The following SETD1B variants were observed in gnomAD, a reference collection of about 807,000 sequenced individuals.
SETD1B encodes the protein histone-lysine N-methyltransferase SETD1B.
SETD1B carries 7 observed loss-of-function variants against 148.0 expected under a neutral mutation model. The ratio of observed to expected loss-of-function variants is 0.05; its 90% CI spans 0.03 to 0.09. The LOEUF (loss-of-function observed/expected upper bound fraction) is 0.09, where lower values mean the gene tolerates loss of function less well. SETD1B is among the 10% of genes least tolerant of loss of function. The pLI, the probability that SETD1B is intolerant of heterozygous loss-of-function variation, is 1.00. For synonymous variants in SETD1B, 1,361 were observed against 1,186.5 expected (o/e 1.15, Z -3.02); for missense variants, 2,155 against 2,729.9 (o/e 0.79, Z 4.69).
chr12:121,813,083 C>T (rs1403104824), intron 6 of SETD1B, among the ~76,000 whole-genome samples: 1 of 152,104 alleles, frequency 6.6e-6, no homozygotes, highest in Non-Finnish European at 1.5e-5. Flanking sequence ...GCTGCAGCCC[C>T]GCACTGGGCA....
At chr12:121,796,633 G>A in the SETD1B span, among the ~76,000 whole-genome samples, 2 of 152,250 alleles carry the variant, frequency 1.3e-5, no homozygotes, top group African/African-American at 2.4e-5. Context: ...TACCCTGCCT[G>A]AGCAGTCCCC....
Position 121,825,925 on chromosome 12 carries a change from C to T in SETD1B, c.5337+559C>T, listed in dbSNP as rs560050816. Reference sequence around the variant, plus strand: ...TCTCCCAAACTGCTGGGATTATAAGCATAAGCCACATCGCATGGCCTCATT... The same window carrying T: ...TCTCCCAAACTGCTGGGATTATAAGTATAAGCCACATCGCATGGCCTCATT... On this transcript the variant is annotated intron_variant, in intron 13 of 16. Transcript: ENST00000604567. 3.9e-5 allele frequency among the ~76,000 whole-genome samples: 6 copies of T among 152,254 alleles called. 1 individual carries two copies. The highest frequency in any genetic ancestry group is 2.1e-4 in the South Asian group (1 of 4,826).
chr12:121,817,248 C>A lies in SETD1B; in HGVS notation c.2931C>A (p.Asp977Glu), dbSNP rs1876334321. 1 of 1,551,084 alleles carries A rather than the reference C, an allele frequency of 6.4e-7. No individual in the cohort carries two copies. Among genetic ancestry groups the A allele is most frequent in the Non-Finnish European group, 8.7e-7 (1 of 1,146,944 alleles). The change falls in exon 8 of 17, where the codon GAC (aspartate) becomes GAA (glutamate). Residue 977 changes from aspartate (D) to glutamate (E), a missense_variant. Physicochemically the swap from Asp to Glu is conservative, Grantham distance 45. Around this residue, in one of 11 missense-constraint regions of SETD1B, gnomAD observed 289 missense variants for 423.7 expected, o/e 0.68. Transcript: ENST00000604567. This position sits in a 1 kb window ranked among gnomAD's most constrained non-coding sequence, Gnocchi z 8.1. ...KEPPDTTSSG[D>E]QKRLRPSTSV... ...CACCAGACACCACCTCATCTGGCGA[C>A]CAGAAGCGGCTGCGGCCCTCGACCT...
At position 121,823,335 on chromosome 12, in the gene SETD1B, C is replaced by G; in HGVS notation, c.4756C>G (p.Leu1586Val). 7.0e-7 allele frequency: 1 copy of G among 1,423,476 alleles called. No homozygotes were observed. Among genetic ancestry groups the G allele is most frequent in the Admixed American group, 2.0e-5 (1 of 49,518 alleles). 88.2% of individuals were successfully genotyped at this position (1,423,476 alleles called of 1,614,324 possible). ...GGGGATCCCAGCCCCTCCACCACCC[C>G]TTCCCCCCCAGCCACCCCCACCCCC... ...NAGIPAPPPP[L>V]PPQPPPPPPP... The change falls in exon 12 of 17, where the codon CTT becomes GTT. Residue 1586 changes from leucine (L) to valine (V), a missense_variant. By Grantham distance (32) the Leu-to-Val change is conservative. Around this residue, in one of 11 missense-constraint regions of SETD1B, gnomAD observed 862 missense variants for 873.8 expected, o/e 0.99. Coordinates refer to ENST00000604567, the MANE Select transcript of SETD1B (RefSeq NM_001353345.2).
intron 16 of SETD1B, 109 bp downstream of exon 16, chr12:121,828,179 C>A: frequency 1.4e-6 from 2 of 1,432,644 alleles, no homozygotes; most frequent in South Asian, 1.3e-5. Context: ...GGCCTCCTTC[C>A]CAAGCTCAGG....
rs1413507113 is a variant in SETD1B at position 121,819,546 on chromosome 12, G to A, written c.3561G>A (p.Glu1187=). The change falls in exon 11 of 17, where the codon GAG becomes GAA. Residue 1187 remains glutamate (E), a synonymous_variant. Coordinates refer to ENST00000604567, the MANE Select transcript of SETD1B (RefSeq NM_001353345.2). ...DEEEVVAREE[E]EEEEEEEMVA... is the part of the protein sequence containing the mutation. ...AGGAGGTAGTGGCCAGGGAAGAGGA[G>A]GAAGAAGAGGAGGAGGAGGAGATGG... 1.9e-6 allele frequency: 3 copies of A among 1,551,590 alleles called. No individual in the cohort carries two copies. The highest frequency in any genetic ancestry group is 2.6e-6 in the Non-Finnish European group (3 of 1,146,342).
In SETD1B at chr12:121,832,624, G is replaced by A. The variant is rs1877145292; in HGVS notation, c.*2385G>A. 3.7e-6 allele frequency: 1 copy of A among 268,540 alleles called. No homozygotes were observed. The highest frequency in any genetic ancestry group is 3.3e-5 in the South Asian group (1 of 30,564). The allele number at this position is 268,540 out of a possible 1,614,324, so 16.6% of individuals were successfully genotyped here. Reference sequence around the variant, plus strand: ...ATTGTATTATAGTAACTTTTATAAAGCAAACCATAAATATACTGACTTTTC... The same window carrying A: ...ATTGTATTATAGTAACTTTTATAAAACAAACCATAAATATACTGACTTTTC... On this transcript the variant is annotated 3_prime_UTR_variant, in exon 17 of 17. Transcript: ENST00000604567.
chr12:121,826,582 G>T (rs1161082542), intron 13 of SETD1B, among the ~76,000 whole-genome samples: 1 of 152,126 alleles, frequency 6.6e-6, no homozygotes, highest in African/African-American at 2.4e-5. Context: ...AGGGTCGGGG[G>T]TACTGTGGTG....
At chr12:121,806,451 C>CA (rs1358706929) in intron 4 of SETD1B, among the ~76,000 whole-genome samples, 1 of 152,068 alleles carries the variant, frequency 6.6e-6, no homozygotes, top group Non-Finnish European at 1.5e-5. Context: ...GGGGAGGAGA[C>CA]AGAGTTTGTT....
At chr12:121,791,947 G>A in the SETD1B span, among the ~76,000 whole-genome samples, 2 of 152,176 alleles carry the variant, frequency 1.3e-5, no homozygotes, top group Admixed American at 6.5e-5. Flanking sequence ...TACTACCCCC[G>A]GGCCACGCCC....
At chr12:121,828,925 G>C (rs1407910528) in intron 16 of SETD1B, among the ~76,000 whole-genome samples, 1 of 152,222 alleles carries the variant, frequency 6.6e-6, no homozygotes, top group Non-Finnish European at 1.5e-5. Flanking sequence ...TCCTTGCCTG[G>C]GTGGTAGGGA....
intron 7 of SETD1B, 148 bp from the exon 8 acceptor site, chr12:121,816,885 A>G (rs1448611768): frequency 2.3e-5 from 16 of 689,710 alleles, no homozygotes; most frequent in Non-Finnish European, 3.3e-5. Flanking sequence ...GGGTAACGGC[A>G]TAGTGTGGCC....
At chr12:121,791,315 G>A in the SETD1B span, among the ~76,000 whole-genome samples, 2 of 152,176 alleles carry the variant, frequency 1.3e-5, no homozygotes, top group Non-Finnish European at 2.9e-5. Context: ...TAGTAGAGAT[G>A]GGGTTTCACC....
rs571462517 is a variant in SETD1B at position 121,820,059 on chromosome 12, G to A, written c.3910+164G>A. Among the ~76,000 whole-genome samples, 132 of 152,358 alleles carry A rather than the reference G, an allele frequency of 8.7e-4. 1 individual carries two copies. The highest frequency in any genetic ancestry group is 3.2e-3 in the African/African-American group (131 of 41,584). ...GTGCCTCCCTCGAGCGAGATGAGGTGTTGGGTGCCAGCACTGAGCCTGGCA... is the reference window on the plus strand; with the variant it reads ...GTGCCTCCCTCGAGCGAGATGAGGTATTGGGTGCCAGCACTGAGCCTGGCA... On this transcript the variant is annotated intron_variant, in intron 11 of 16. Coordinates refer to ENST00000604567, the MANE Select transcript of SETD1B (RefSeq NM_001353345.2).
chr12:121,818,574 TAAATA>T lies in SETD1B; in HGVS notation c.3418+675_3418+679del, dbSNP rs928430288. On this transcript the variant is annotated intron_variant, in intron 10 of 16. Coordinates refer to ENST00000604567, the MANE Select transcript of SETD1B (RefSeq NM_001353345.2). ...TGACACTCCACCTCAAAAAAAATAA[TAAATA>T]AAATTTTTTTTACAAAGTGAGCAGT... 7.0e-4 allele frequency among the ~76,000 whole-genome samples: 103 copies of T among 147,736 alleles called. 1 individual carries two copies. The highest frequency in any genetic ancestry group is 2.1e-3 in the African/African-American group (83 of 39,624).
intron 10 of SETD1B, among the ~76,000 whole-genome samples, chr12:121,819,101 G>A (rs1430117295): frequency 2.0e-5 from 3 of 151,854 alleles, no homozygotes; most frequent in African/African-American, 4.8e-5. Context: ...AAAATTAGCC[G>A]GGCGTGGTGG....
upstream of SETD1B, chr12:121,800,593 C>T (rs1431303731): frequency 6.6e-6 from 1 of 151,314 alleles, no homozygotes; most frequent in Non-Finnish European, 1.5e-5. Flanking sequence ...CGGTCCGGGG[C>T]GAGGCCTCCT....
chr12:121,823,527 C>T lies in SETD1B; in HGVS notation c.4948C>T (p.His1650Tyr), dbSNP rs1305180317. The T allele has an allele frequency of 1.9e-6, 3 of 1,551,022 alleles. No individual in the cohort carries two copies. Among genetic ancestry groups the T allele is most frequent in the Non-Finnish European group, 2.6e-6 (3 of 1,146,940 alleles). Residue 1650 changes from histidine (H) to tyrosine (Y), a missense_variant, in exon 12 of 17, where the codon CAT becomes TAT. By Grantham distance (83) the His-to-Tyr change is moderately conservative. Coordinates refer to ENST00000604567, the MANE Select transcript of SETD1B (RefSeq NM_001353345.2). The part of the protein sequence containing the change: ...GPWRRPPKKR[H>Y]EDLVPPAGSP... ...GTGGCGCCGGCCACCTAAGAAGCGC[C>T]ATGAGGACCTGGTGCCACCTGCGGG...
chr12:121,828,300 G>A (rs993213574), intron 16 of SETD1B, among the ~76,000 whole-genome samples: 1 of 152,266 alleles, frequency 6.6e-6, no homozygotes, highest in Admixed American at 6.5e-5. Context: ...GACTTCTGTG[G>A]CATTTAGAGG....
Sources: allele counts gnomAD v4.1 joint callset (sites outside exome capture counted in the v4.1 genomes callset), GRCh38; gene constraint gnomAD v4.1.1; regional missense constraint gnomAD v4.1.1; non-coding constraint Gnocchi (gnomAD v3.1); transcripts MANE v1.5; gene names NCBI Gene and HGNC (gene_info 2026-07-23, HGNC 2026-07-21).